Variants in PTPRC observed in about 807,000 individuals in gnomAD.
PTPRC encodes receptor-type tyrosine-protein phosphatase C.
In PTPRC, 44 loss-of-function variants were observed where a neutral mutation model predicts 155.9. The ratio of observed to expected loss-of-function variants is 0.28; its 90% CI spans 0.22 to 0.36. The LOEUF is 0.36. Among genes scored for constraint, PTPRC ranks in the 10% least tolerant of loss-of-function variants. PTPRC has a pLI of 1.00. For missense variants in PTPRC, 1,401 were observed against 1,564.6 expected, an observed-to-expected ratio of 0.90 and a Z score of 1.76; for synonymous variants, 525 against 533.1, an observed-to-expected ratio of 0.98 and a Z score of 0.21.
intron 7 of PTPRC, 162 bp downstream of exon 7, chr1:198,703,534 T>G: frequency 1.8e-6 from 2 of 1,086,692 alleles, no homozygotes; most frequent in South Asian, 1.3e-5. Context: ...TTTCTCTGCT[T>G]AGCAGTGCAA....
intron 2 of PTPRC, among the ~76,000 whole-genome samples, chr1:198,659,596 A>G (rs1571794160): frequency 6.7e-6 from 1 of 149,580 alleles, no homozygotes; most frequent in South Asian, 2.1e-4. Flanking sequence ...GTTCAATGGC[A>G]TGATCTCAGC....
intron 2 of PTPRC, among the ~76,000 whole-genome samples, chr1:198,654,876 A>G (rs1380362232): frequency 6.6e-6 from 1 of 151,918 alleles, no homozygotes; most frequent in South Asian, 2.1e-4. Context: ...AGAATGAACT[A>G]CAGATTCATG....
intron 2 of PTPRC, among the ~76,000 whole-genome samples, chr1:198,647,686 G>A (rs1429011638): frequency 1.3e-5 from 2 of 151,692 alleles, no homozygotes; most frequent in Non-Finnish European, 2.9e-5. Context: ...AGAAAAATAA[G>A]AATTTCAGGT....
chr1:198,660,647 A>T (rs1663910642), intron 2 of PTPRC: 1 of 152,052 alleles, frequency 6.6e-6, no homozygotes, highest in African/African-American at 2.4e-5. Context: ...CTTAACTATT[A>T]GTTTCTGGAA....
intron 2 of PTPRC, among the ~76,000 whole-genome samples, chr1:198,678,881 G>T (rs1665117131): frequency 1.3e-5 from 2 of 150,406 alleles, no homozygotes; most frequent in Admixed American, 6.6e-5. Context: ...TTAATTTGAT[G>T]ACCCCATCAC....
At chr1:198,644,223 G>A (rs1441352328) in intron 2 of PTPRC, among the ~76,000 whole-genome samples, 1 of 151,674 alleles carries the variant, frequency 6.6e-6, no homozygotes, top group Non-Finnish European at 1.5e-5. Flanking sequence ...ATTAATTTCT[G>A]TCTAGTCTAA....
intron 25 of PTPRC, 116 bp downstream of exon 25, chr1:198,742,483 G>A (rs1654949504): frequency 1.6e-6 from 2 of 1,268,264 alleles, no homozygotes; most frequent in Admixed American, 3.9e-5. Flanking sequence ...TCAAACAGTA[G>A]ATGATTTCCT....
chr1:198,734,921 G>C (rs532505268), intron 22 of PTPRC, among the ~76,000 whole-genome samples: 1 of 151,756 alleles, frequency 6.6e-6, no homozygotes, highest in Non-Finnish European at 1.5e-5. Context: ...CTGCTAAAAA[G>C]TATGAAGGAA....
intron 2 of PTPRC, among the ~76,000 whole-genome samples, chr1:198,675,165 T>C (rs12124422): frequency 0.013 from 1,986 of 152,252 alleles, 23 homozygotes; most frequent in Non-Finnish European, 0.016. Flanking sequence ...TTTTAAGAAT[T>C]TGAAAGAAAA....
intron 2 of PTPRC, among the ~76,000 whole-genome samples, chr1:198,656,620 A>G (rs1238429084): frequency 4.6e-5 from 7 of 150,986 alleles, no homozygotes; most frequent in Middle Eastern, 3.4e-3. Context: ...GAATTCTGCT[A>G]CACATCACAG....
At position 198,725,755 on chromosome 1, in the gene PTPRC, T is replaced by G. The variant is rs189196488; in HGVS notation, c.1721-2585T>G. Among the ~76,000 whole-genome samples, 447 of 152,298 alleles carry G rather than the reference T, an allele frequency of 2.9e-3. 4 individuals carry two copies. The highest frequency in any genetic ancestry group is 9.9e-3 in the African/African-American group (410 of 41,572). ...TGTTATTGTTTTTGTAAATAGACAT[T>G]TGACTTCCATGTTCTGACCCATGAT... On this transcript the variant is annotated intron_variant, in intron 15 of 32. Coordinates refer to ENST00000442510, the MANE Select transcript of PTPRC (RefSeq NM_002838.5).
intron 2 of PTPRC, among the ~76,000 whole-genome samples, chr1:198,645,779 G>T (rs1383745135): frequency 6.6e-6 from 1 of 151,712 alleles, no homozygotes; most frequent in Non-Finnish European, 1.5e-5. Flanking sequence ...TTTTAACTTT[G>T]CATTCTTTAT....
intron 8 of PTPRC, among the ~76,000 whole-genome samples, chr1:198,706,042 C>A (rs1038324632): frequency 6.6e-6 from 1 of 152,202 alleles, no homozygotes; most frequent in African/African-American, 2.4e-5. Context: ...CTGATTATAT[C>A]TAACTTGCCT....
chr1:198,687,675 T>A (rs1232624339), intron 2 of PTPRC, among the ~76,000 whole-genome samples: 1 of 152,038 alleles, frequency 6.6e-6, no homozygotes, highest in South Asian at 2.1e-4. Flanking sequence ...TTTATATAGG[T>A]CACATTTAGC....
At chr1:198,728,288 C>A (rs377226464) in intron 15 of PTPRC, 52 bp from the exon 16 acceptor site, 29 of 1,438,598 alleles carry the variant, frequency 2.0e-5, no homozygotes, top group Non-Finnish European at 2.6e-5. Flanking sequence ...TTCAACCAGT[C>A]TAGCAAGTTA....
intron 2 of PTPRC, among the ~76,000 whole-genome samples, chr1:198,648,519 G>A (rs1663059332): frequency 6.6e-6 from 1 of 151,648 alleles, no homozygotes; most frequent in South Asian, 2.1e-4. Context: ...GTGTGATGAT[G>A]GGCAAATCAC....
chr1:198,749,590 T>A (rs1266376539), intron 28 of PTPRC, 41 bp downstream of exon 28: 3 of 1,582,496 alleles, frequency 1.9e-6, no homozygotes, highest in Non-Finnish European at 1.7e-6. Flanking sequence ...CCAAACATTT[T>A]AAAATAATAT....
At chr1:198,690,435 A>G (rs1304080967) in intron 2 of PTPRC, among the ~76,000 whole-genome samples, 4 of 152,062 alleles carry the variant, frequency 2.6e-5, no homozygotes. Flanking sequence ...AAGAAAAGGG[A>G]CAAAAGTACA....
At chr1:198,673,886 A>G (rs1463306598) in intron 2 of PTPRC, among the ~76,000 whole-genome samples, 8 of 152,284 alleles carry the variant, frequency 5.3e-5, no homozygotes, top group Admixed American at 5.2e-4. Context: ...ATTTTGAAGT[A>G]TTAATAATGT....
Sources: gnomAD v4.1 joint callset for allele counts (sites outside exome capture counted in the v4.1 genomes callset) on GRCh38, gnomAD v4.1.1 for gene constraint, MANE v1.5 for transcripts, NCBI Gene and HGNC (gene_info 2026-07-23, HGNC 2026-07-21) for gene names.